Variants in ANTXR1 observed in about 807,000 individuals in gnomAD.
ANTXR1 encodes ANTXR cell adhesion molecule 1.
Under a neutral mutation model 78.1 loss-of-function variants are expected in ANTXR1, and 19 were observed. The ratio of observed to expected loss-of-function variants is 0.24; its 90% CI spans 0.17 to 0.36. The LOEUF is 0.36. ANTXR1 is among the 10% of genes least tolerant of loss of function. ANTXR1 has a pLI of 1.00. For synonymous variants in ANTXR1, 273 were observed against 260.5 expected (o/e 1.05, Z -0.46); for missense variants, 518 against 718.6 (o/e 0.72, Z 3.19).
intron 10 of ANTXR1, among the ~76,000 whole-genome samples, chr2:69,108,954 A>C (rs1457696322): frequency 6.6e-6 from 1 of 152,214 alleles, no homozygotes; most frequent in Non-Finnish European, 1.5e-5. Context: ...TTTCTGAGGG[A>C]TATAAAGCAA....
At chr2:69,022,442 C>T (rs924828860) in intron 1 of ANTXR1, among the ~76,000 whole-genome samples, 5 of 152,188 alleles carry the variant, frequency 3.3e-5, no homozygotes, top group African/African-American at 1.2e-4. Flanking sequence ...GTTGAGAACT[C>T]CTGACTAAAA....
intron 13 of ANTXR1, 82 bp downstream of exon 13, chr2:69,152,346 T>TA: frequency 7.2e-7 from 1 of 1,386,346 alleles, no homozygotes; most frequent in Non-Finnish European, 1.0e-6. Flanking sequence ...AAGGGATTTT[T>TA]AAAAAACTAA....
intron 3 of ANTXR1, 137 bp downstream of exon 3, chr2:69,044,950 CT>C: frequency 1.2e-6 from 1 of 832,214 alleles, no homozygotes; most frequent in Non-Finnish European, 2.0e-6. Flanking sequence ...AGTTTTTAAC[CT>C]TACGTATGGG....
intron 10 of ANTXR1, 112 bp from the exon 11 acceptor site, chr2:69,122,905 T>C (rs970626801): frequency 8.8e-7 from 1 of 1,135,216 alleles, no homozygotes; most frequent in Non-Finnish European, 1.3e-6. Context: ...CTCAAAAAGA[T>C]TTTTGTTTTT....
chr2:69,199,605 A>G (rs1674727340), intron 17 of ANTXR1, among the ~76,000 whole-genome samples: 1 of 152,222 alleles, frequency 6.6e-6, no homozygotes, highest in Non-Finnish European at 1.5e-5. Context: ...CGTGGACTCC[A>G]GTGGTTTTCA....
chr2:69,059,597 G>A (rs1389486056), intron 3 of ANTXR1, among the ~76,000 whole-genome samples: 1 of 152,048 alleles, frequency 6.6e-6, no homozygotes, highest in Non-Finnish European at 1.5e-5. Context: ...TCCTGTCTCA[G>A]CGTCCTGAGT....
rs373413545 is a variant in ANTXR1 at position 69,061,966 on chromosome 2, A to G, written c.297-8681A>G. Among the ~76,000 whole-genome samples, 41 of 148,198 alleles carry G rather than the reference A, an allele frequency of 2.8e-4. No individual in the cohort carries two copies. In the South Asian group the frequency reaches 8.3e-3, roughly 30 times the overall value. On this transcript the variant is annotated intron_variant, in intron 3 of 17. Coordinates refer to ENST00000303714, the MANE Select transcript of ANTXR1 (RefSeq NM_032208.3). Reference sequence around the variant, plus strand: ...AAAGCCCAGACAAAATAAAATTCATATGTTTCCGTGAGGCTAGTAGAGATG... The same window carrying G: ...AAAGCCCAGACAAAATAAAATTCATGTGTTTCCGTGAGGCTAGTAGAGATG...
chr2:69,084,043 A>G (rs185518388), intron 8 of ANTXR1, among the ~76,000 whole-genome samples: 1 of 152,362 alleles, frequency 6.6e-6, no homozygotes, highest in East Asian at 1.9e-4. Flanking sequence ...CAAAGATTGC[A>G]GAGGGGCATG....
At chr2:69,235,376 C>A (rs1675731618) in intron 17 of ANTXR1, among the ~76,000 whole-genome samples, 2 of 151,896 alleles carry the variant, frequency 1.3e-5, no homozygotes, top group African/African-American at 4.8e-5. Context: ...GGGCCAGGGG[C>A]AGTGGTTCAC....
At chr2:69,075,234 G>A (rs573724796) in intron 6 of ANTXR1, among the ~76,000 whole-genome samples, 3 of 152,120 alleles carry the variant, frequency 2.0e-5, no homozygotes, top group Admixed American at 1.3e-4. Flanking sequence ...GTGATATCAC[G>A]CCCCCATTAC....
chr2:69,197,120 C>T (rs1005211999), intron 17 of ANTXR1, among the ~76,000 whole-genome samples: 2 of 152,212 alleles, frequency 1.3e-5, no homozygotes, highest in African/African-American at 4.8e-5. Flanking sequence ...CTGCGGTGGG[C>T]TCATGGTCCC....
At chr2:69,233,254 A>G (rs1558663387) in intron 17 of ANTXR1, among the ~76,000 whole-genome samples, 2 of 152,042 alleles carry the variant, frequency 1.3e-5, no homozygotes, top group Non-Finnish European at 2.9e-5. Flanking sequence ...AAAGATGAAA[A>G]TCCTCCCAAA....
chr2:69,119,906 T>C (rs778956172), intron 10 of ANTXR1, among the ~76,000 whole-genome samples: 1 of 152,200 alleles, frequency 6.6e-6, no homozygotes, highest in Non-Finnish European at 1.5e-5. Flanking sequence ...AGTTTAAATT[T>C]GACTAAGTGA....
At chr2:69,110,530 A>G (rs1671943916) in intron 10 of ANTXR1, among the ~76,000 whole-genome samples, 1 of 152,182 alleles carries the variant, frequency 6.6e-6, no homozygotes, top group African/African-American at 2.4e-5. Context: ...GGAGTGGGGA[A>G]TGTTAATAAT....
At chr2:69,170,123 C>G (rs572574015) in intron 13 of ANTXR1, 125 bp from the exon 14 acceptor site, 230 of 1,028,780 alleles carry the variant, frequency 2.2e-4, no homozygotes, top group Non-Finnish European at 3.1e-4. Flanking sequence ...TGATTAAGCC[C>G]GACTTGCTGG....
intron 17 of ANTXR1, among the ~76,000 whole-genome samples, chr2:69,244,615 C>T (rs768793461): frequency 5.9e-5 from 9 of 152,198 alleles, no homozygotes; most frequent in Non-Finnish European, 8.8e-5. Flanking sequence ...ATGACAACTC[C>T]AATCACAGAA....
intron 17 of ANTXR1, among the ~76,000 whole-genome samples, chr2:69,209,659 A>G (rs80338477): frequency 0.014 from 2,178 of 152,372 alleles, 48 homozygotes; most frequent in East Asian, 0.096. Context: ...AGATCTGAAT[A>G]ACAAGAGGGA....
intron 16 of ANTXR1, among the ~76,000 whole-genome samples, chr2:69,187,278 C>T (rs963100996): frequency 2.0e-5 from 3 of 152,118 alleles, no homozygotes; most frequent in African/African-American, 7.2e-5. Context: ...GAAATTTTCC[C>T]TGATATTTAG....
chr2:69,106,899 G>T (rs1671824768), intron 10 of ANTXR1, among the ~76,000 whole-genome samples: 2 of 152,270 alleles, frequency 1.3e-5, no homozygotes, highest in Non-Finnish European at 2.9e-5. Context: ...GAAAGAGAAT[G>T]GAAAATAAAT....
Sources: gnomAD v4.1 joint callset for allele counts (sites outside exome capture counted in the v4.1 genomes callset) on GRCh38, gnomAD v4.1.1 for gene constraint, MANE v1.5 for transcripts, NCBI Gene and HGNC (gene_info 2026-07-23, HGNC 2026-07-21) for gene names.